Variants in UGT1A10 observed in about 807,000 individuals in gnomAD.
The protein encoded by UGT1A10 is UDP glucuronosyltransferase family 1 member A10.
A neutral mutation model predicts 45.8 loss-of-function variants in UGT1A10; 49 were observed. The ratio of observed to expected loss-of-function variants is 1.07; its 90% CI spans 0.85 to 1.36. UGT1A10 has a LOEUF of 1.36. Among genes scored for constraint, UGT1A10 ranks in the 40% most tolerant of loss-of-function variants. The probability of loss-of-function intolerance (pLI) is 0.00; values close to 1 mark genes in which losing one functional copy is unlikely to be tolerated. For synonymous variants in UGT1A10, 284 were observed against 249.7 expected (o/e 1.14, Z -1.29); for missense variants, 745 against 668.6 (o/e 1.11, Z -1.26).
chr2:233,648,481 G>A (rs1383776556), intron 1 of UGT1A10: 1 of 158,034 alleles, frequency 6.3e-6, no homozygotes. Flanking sequence ...TTATTTTTGA[G>A]ACGGAGTCTT....
chr2:233,648,798 C>T, intron 1 of UGT1A10: 3 of 925,758 alleles, frequency 3.2e-6, no homozygotes, highest in Non-Finnish European at 4.9e-6. Flanking sequence ...GAGTAAGGAA[C>T]CACATCTTCT....
intron 1 of UGT1A10, chr2:233,719,156 A>C (rs751674220): frequency 1.2e-6 from 2 of 1,614,236 alleles, no homozygotes; most frequent in Non-Finnish European, 1.7e-6. Context: ...GATATTCTAG[A>C]AGTATGGCAA....
At chr2:233,678,119 G>C (rs1170169023) in intron 1 of UGT1A10, among the ~76,000 whole-genome samples, 1 of 152,094 alleles carries the variant, frequency 6.6e-6, no homozygotes, top group Non-Finnish European at 1.5e-5. Context: ...TAAATAGTGG[G>C]TACTTTTGGG....
chr2:233,679,264 C>T (rs2074446842), intron 1 of UGT1A10, among the ~76,000 whole-genome samples: 1 of 152,222 alleles, frequency 6.6e-6, no homozygotes, highest in South Asian at 2.1e-4. Flanking sequence ...CAGTCCCTTG[C>T]TGGCAATGCA....
intron 1 of UGT1A10, chr2:233,690,539 A>G (rs1032041279): frequency 1.6e-6 from 2 of 1,289,530 alleles, no homozygotes; most frequent in Admixed American, 4.6e-5. Context: ...CTTTCACCCC[A>G]CTGGAATATG....
intron 1 of UGT1A10, among the ~76,000 whole-genome samples, chr2:233,689,730 A>G (rs1277493497): frequency 1.3e-5 from 2 of 152,172 alleles, no homozygotes; most frequent in Non-Finnish European, 2.9e-5. Context: ...CTGCCAAAGA[A>G]TCCATTTGGT....
chr2:233,693,445 T>C (rs1173027816), intron 1 of UGT1A10: 3 of 1,614,012 alleles, frequency 1.9e-6, no homozygotes, highest in South Asian at 2.2e-5. Flanking sequence ...TTGATGCTCT[T>C]TTCACAGACC....
At chr2:233,704,652 G>T (rs2075801775) in intron 1 of UGT1A10, among the ~76,000 whole-genome samples, 1 of 151,908 alleles carries the variant, frequency 6.6e-6, no homozygotes, top group Non-Finnish European at 1.5e-5. Flanking sequence ...TATCATTTTT[G>T]GTTCTTTTCC....
intron 1 of UGT1A10, among the ~76,000 whole-genome samples, chr2:233,669,010 C>T (rs1252903993): frequency 6.6e-6 from 1 of 152,168 alleles, no homozygotes; most frequent in Non-Finnish European, 1.5e-5. Flanking sequence ...TATGGTAACA[C>T]AGGGGTTATA....
chr2:233,757,560 A>ATATATATATATATATATATATATATG (rs904896556), intron 1 of UGT1A10, among the ~76,000 whole-genome samples: 17 of 123,144 alleles, frequency 1.4e-4, no homozygotes, highest in African/African-American at 3.1e-4. Flanking sequence ...ATATATATAT[A>ATATATATATATATATATATATATATG]TGTATATATG....
intron 1 of UGT1A10, among the ~76,000 whole-genome samples, chr2:233,684,872 G>A (rs1411097993): frequency 6.6e-6 from 1 of 152,138 alleles, no homozygotes; most frequent in Non-Finnish European, 1.5e-5. Flanking sequence ...TGTTTCATAT[G>A]GGCAGGGTGT....
intron 1 of UGT1A10, among the ~76,000 whole-genome samples, chr2:233,745,130 TG>T (rs1693021871): frequency 6.6e-6 from 1 of 151,922 alleles, no homozygotes; most frequent in Admixed American, 6.5e-5. Flanking sequence ...AATCTGCAGA[TG>T]TGAAGCCCAA....
chr2:233,637,541 A>T (rs528410182), intron 1 of UGT1A10, among the ~76,000 whole-genome samples, 164 bp downstream of exon 1: 1 of 152,368 alleles, frequency 6.6e-6, no homozygotes, highest in East Asian at 1.9e-4. Context: ...CAATTATCAA[A>T]TTTTATAAAA....
At chr2:233,746,478 T>C (rs1007346584) in intron 1 of UGT1A10, among the ~76,000 whole-genome samples, 1 of 151,746 alleles carries the variant, frequency 6.6e-6, no homozygotes, top group Non-Finnish European at 1.5e-5. Flanking sequence ...AGAAACACTT[T>C]CCATGGACAT....
chr2:233,769,819 C>A lies in UGT1A10; in HGVS notation c.1295+1380C>A. On this transcript the variant is annotated intron_variant, in intron 4 of 4. Transcript: ENST00000344644. The surrounding 1 kb of genome is among the most constrained non-coding windows in gnomAD (Gnocchi z 4.4). ...GCTATGAGCCGTGATCATGCCACTG[C>A]ACTCCAGCAACCTGGGCAACAGAGT... 2 of 840,292 alleles carry A rather than the reference C, an allele frequency of 2.4e-6. No homozygotes were observed. The highest frequency in any genetic ancestry group is 3.4e-6 in the Non-Finnish European group (2 of 594,478). The allele number at this position is 840,292 out of a possible 1,614,324, so 52.1% of individuals were successfully genotyped here.
chr2:233,668,198 C>T (rs867701374), intron 1 of UGT1A10, among the ~76,000 whole-genome samples: 3 of 152,076 alleles, frequency 2.0e-5, no homozygotes, highest in South Asian at 2.1e-4. Flanking sequence ...AATGCTATCC[C>T]TCCCCCATAC....
intron 1 of UGT1A10, chr2:233,718,627 T>C (rs1335320809): frequency 1.1e-6 from 1 of 929,164 alleles, no homozygotes; most frequent in Non-Finnish European, 1.3e-6. Flanking sequence ...GTGATTGGTC[T>C]TTCCCAGGGT....
chr2:233,743,530 C>G (rs781463146), intron 1 of UGT1A10: 8 of 1,367,244 alleles, frequency 5.9e-6, no homozygotes, highest in East Asian at 4.6e-5. Context: ...GCTTCCCCAG[C>G]AGTTCCTCTG....
At chr2:233,736,896 C>A (rs1212789655) in intron 1 of UGT1A10, among the ~76,000 whole-genome samples, 1 of 152,186 alleles carries the variant, frequency 6.6e-6, no homozygotes, top group African/African-American at 2.4e-5. Context: ...GCTGCCTGAT[C>A]CTTCCTCTGG....
Sources: gnomAD v4.1 joint callset for allele counts (sites outside exome capture counted in the v4.1 genomes callset) on GRCh38, gnomAD v4.1.1 for gene constraint, Gnocchi (gnomAD v3.1) non-coding constraint, MANE v1.5 for transcripts, NCBI Gene and HGNC (gene_info 2026-07-23, HGNC 2026-07-21) for gene names.